The following STK39 variants were observed in gnomAD, a reference collection of about 807,000 sequenced individuals.
The protein encoded by STK39 is serine/threonine kinase 39.
In STK39, 20 loss-of-function variants were observed where a neutral mutation model predicts 77.8. The ratio of observed to expected loss-of-function variants is 0.26; its 90% CI spans 0.18 to 0.37. The LOEUF (loss-of-function observed/expected upper bound fraction) is 0.37, where lower values mean the gene tolerates loss of function less well. STK39 is among the 10% of genes least tolerant of loss of function. The pLI is 1.00. For synonymous variants in STK39, 246 were observed against 234.1 expected (o/e 1.05, Z -0.47); for missense variants, 479 against 656.5 (o/e 0.73, Z 2.95).
At chr2:168,242,558 AAAATATATATATAT>A (rs1266645301) in intron 1 of STK39, among the ~76,000 whole-genome samples, 4 of 63,602 alleles carry the variant, frequency 6.3e-5, no homozygotes, top group Non-Finnish European at 1.1e-4. Context: ...AAAAAAAAAA[AAAATATATATATAT>A]ATATATATAT....
At chr2:168,208,509 G>A (rs532746729) in intron 1 of STK39, among the ~76,000 whole-genome samples, 8 of 152,260 alleles carry the variant, frequency 5.3e-5, no homozygotes, top group South Asian at 2.1e-4. Context: ...TGTACCCTCC[G>A]TAATTATGTG....
intron 1 of STK39, among the ~76,000 whole-genome samples, chr2:168,205,924 T>C (rs1247243703): frequency 6.6e-6 from 1 of 152,250 alleles, no homozygotes; most frequent in African/African-American, 2.4e-5. Context: ...TTTGAAAAAG[T>C]GTCTCAGTAG....
chr2:168,054,729 G>A (rs536096400), intron 14 of STK39, among the ~76,000 whole-genome samples: 2 of 151,334 alleles, frequency 1.3e-5, no homozygotes, highest in East Asian at 1.9e-4. Flanking sequence ...ACTGACCCTG[G>A]ATTCGTCCTA....
chr2:168,219,866 TTGC>T (rs773567609), intron 1 of STK39, among the ~76,000 whole-genome samples: 32 of 81,192 alleles, frequency 3.9e-4, no homozygotes, highest in Admixed American at 1.7e-3. Flanking sequence ...CCTACTTTTC[TTGC>T]TTTTTTTTTT....
At chr2:167,957,278 T>C (rs79096971) in intron 17 of STK39, among the ~76,000 whole-genome samples, 3,317 of 152,288 alleles carry the variant, frequency 0.022, 115 homozygotes, top group African/African-American at 0.075. Context: ...TCCAGTGATA[T>C]CTCTGGTTTC....
At chr2:168,119,396 C>T (rs933485146) in intron 10 of STK39, among the ~76,000 whole-genome samples, 2 of 152,068 alleles carry the variant, frequency 1.3e-5, no homozygotes, top group Non-Finnish European at 2.9e-5. Context: ...CTCTCCAATC[C>T]CATCTTCAAA....
At chr2:168,210,013 T>C (rs374080930) in intron 1 of STK39, among the ~76,000 whole-genome samples, 9 of 42,414 alleles carry the variant, frequency 2.1e-4, no homozygotes, top group Admixed American at 2.0e-3. Flanking sequence ...AAAAAAAAAA[T>C]AGGAAAGAAA....
intron 1 of STK39, among the ~76,000 whole-genome samples, chr2:168,193,551 C>CT (rs1239939118): frequency 6.6e-6 from 1 of 152,208 alleles, no homozygotes; most frequent in African/African-American, 2.4e-5. Context: ...CAGCAGCATG[C>CT]TGCAGTCTCT....
chr2:168,169,707 A>T (rs1385651269), intron 2 of STK39, among the ~76,000 whole-genome samples: 2 of 151,540 alleles, frequency 1.3e-5, no homozygotes, highest in Non-Finnish European at 2.9e-5. Flanking sequence ...AACTTAGCAA[A>T]TTCTATTCCT....
At chr2:168,193,989 G>C (rs1277527985) in intron 1 of STK39, among the ~76,000 whole-genome samples, 1 of 152,240 alleles carries the variant, frequency 6.6e-6, no homozygotes, top group Non-Finnish European at 1.5e-5. Flanking sequence ...GCATGGAAAA[G>C]CAGATGCCTC....
chr2:168,081,639 C>T (rs776145381), intron 10 of STK39, among the ~76,000 whole-genome samples: 8 of 152,122 alleles, frequency 5.3e-5, no homozygotes, highest in South Asian at 2.1e-4. Context: ...TGAGGACATG[C>T]GATTTGGGAG....
intron 2 of STK39, among the ~76,000 whole-genome samples, chr2:168,180,726 G>A (rs947777149): frequency 6.7e-5 from 10 of 149,416 alleles, no homozygotes; most frequent in African/African-American, 2.6e-4. Flanking sequence ...CAAGTAGCAT[G>A]CAGCAGGAAT....
intron 2 of STK39, among the ~76,000 whole-genome samples, chr2:168,172,487 T>C (rs1233008641): frequency 1.3e-5 from 2 of 152,216 alleles, no homozygotes; most frequent in African/African-American, 4.8e-5. Flanking sequence ...CCTGGTAAAC[T>C]GCCTCAAACT....
chr2:168,119,032 C>A (rs1687338374), intron 10 of STK39, among the ~76,000 whole-genome samples: 1 of 152,190 alleles, frequency 6.6e-6, no homozygotes, highest in Admixed American at 6.5e-5. Flanking sequence ...GTTCTCTCAG[C>A]TCTAAAATAG....
intron 6 of STK39, 107 bp from the exon 7 acceptor site, chr2:168,140,497 G>A (rs28680807): frequency 0.012 from 14,958 of 1,204,654 alleles, 449 homozygotes; most frequent in African/African-American, 0.094. Context: ...TAACTTTCAC[G>A]TTAGTTTGCT....
intron 14 of STK39, among the ~76,000 whole-genome samples, chr2:168,026,551 G>A (rs549098304): frequency 3.3e-5 from 5 of 152,142 alleles, no homozygotes; most frequent in Admixed American, 2.6e-4. Flanking sequence ...AGCCATTAAC[G>A]GAAGAAATGA....
At chr2:168,062,360 G>T (rs1685686597) in intron 14 of STK39, among the ~76,000 whole-genome samples, 1 of 152,160 alleles carries the variant, frequency 6.6e-6, no homozygotes, top group African/African-American at 2.4e-5. Context: ...AAAGGGAATG[G>T]GCTACCTCAT....
chr2:167,997,468 C>T (rs539831230), intron 16 of STK39, among the ~76,000 whole-genome samples: 125 of 152,216 alleles, frequency 8.2e-4, no homozygotes, highest in Non-Finnish European at 1.4e-3. Flanking sequence ...TCATGTAATC[C>T]AGTAATTCTC....
intron 1 of STK39, among the ~76,000 whole-genome samples, chr2:168,246,851 G>A (rs566641803): frequency 1.1e-4 from 16 of 151,956 alleles, no homozygotes; most frequent in African/African-American, 3.6e-4. Context: ...ACCCGCGGCT[G>A]CCTGTCCGCG....
Sources: gnomAD v4.1 joint callset for allele counts (sites outside exome capture counted in the v4.1 genomes callset) on GRCh38, gnomAD v4.1.1 for gene constraint, MANE v1.5 for transcripts, NCBI Gene and HGNC (gene_info 2026-07-23, HGNC 2026-07-21) for gene names.